Variants in DYTN observed in about 807,000 individuals in gnomAD.
The protein encoded by DYTN is dystrotelin.
DYTN carries 75 observed loss-of-function variants against 69.6 expected under a neutral mutation model. That is an observed-to-expected ratio of 1.08 (90% confidence interval 0.89 to 1.31). DYTN has a LOEUF of 1.31. Ranked by LOEUF, DYTN falls within the 50% of genes most tolerant of loss-of-function variation. DYTN has a pLI of 0.00. For synonymous variants in DYTN, 252 were observed against 249.1 expected (o/e 1.01, Z -0.11); for missense variants, 726 against 688.4 (o/e 1.05, Z -0.61).
rs1559301856 is a variant in DYTN, at chr2:206,651,676, G to A, written c.*142C>T. 5 of 683,076 alleles carry A rather than the reference G, an allele frequency of 7.3e-6. No homozygotes were observed. The highest frequency in any genetic ancestry group is 3.9e-5 in the South Asian group (2 of 51,710). The allele number at this position is 683,076 out of a possible 1,614,324, so 42.3% of individuals were successfully genotyped here. A position where few individuals can be genotyped will look rare whatever the true frequency, so the allele number is the denominator to read the frequency against. On this transcript the variant is annotated 3_prime_UTR_variant, in exon 12 of 12. Coordinates refer to ENST00000452335, the MANE Select transcript of DYTN (RefSeq NM_001093730.1). Reference sequence around the variant, plus strand: ...CAGAACTAAGATACATAAGTAGGGAGGGAGATCAAAAAACAAAACCTGTTT... The same window carrying A: ...CAGAACTAAGATACATAAGTAGGGAAGGAGATCAAAAAACAAAACCTGTTT...
At chr2:206,697,955 A>G (rs944128377) in intron 7 of DYTN, among the ~76,000 whole-genome samples, 10 of 152,230 alleles carry the variant, frequency 6.6e-5, no homozygotes, top group Middle Eastern at 3.2e-3. Context: ...TATGTTATAC[A>G]TAATAATTTT....
chr2:206,717,229 A>T (rs1360008798), intron 1 of DYTN, among the ~76,000 whole-genome samples: 1 of 152,188 alleles, frequency 6.6e-6, no homozygotes, highest in Non-Finnish European at 1.5e-5. Flanking sequence ...TTTGACCAGG[A>T]TTCTTGTTTT....
chr2:206,715,370 G>A (rs984921615), intron 1 of DYTN, among the ~76,000 whole-genome samples: 29 of 152,070 alleles, frequency 1.9e-4, no homozygotes, highest in Non-Finnish European at 3.5e-4. Flanking sequence ...ACTTAGGGAC[G>A]GCAGCTCTCA....
intron 4 of DYTN, among the ~76,000 whole-genome samples, chr2:206,705,450 A>T (rs1317502385): frequency 6.6e-6 from 1 of 152,206 alleles, no homozygotes; most frequent in Non-Finnish European, 1.5e-5. Context: ...ACCCATTCAC[A>T]TTTCAACACC....
At chr2:206,687,281 C>G (rs1345275608) in intron 9 of DYTN, 1 of 155,264 alleles carries the variant, frequency 6.4e-6, no homozygotes, top group African/African-American at 2.4e-5. Flanking sequence ...TGAATCCTTA[C>G]AAGATACGAC....
At chr2:206,694,920 G>GATA in intron 7 of DYTN, 43 bp from the exon 8 acceptor site, 10 of 788,940 alleles carry the variant, frequency 1.3e-5, no homozygotes, top group South Asian at 3.4e-5. Context: ...ACTAGTAGAT[G>GATA]AGAAAAAAAA....
intron 6 of DYTN, 33 bp downstream of exon 6, chr2:206,700,112 C>T: frequency 6.2e-7 from 1 of 1,613,314 alleles, no homozygotes; most frequent in South Asian, 1.1e-5. Context: ...CCGTGTCTGT[C>T]CCCAACTCCA....
At chr2:206,654,034 T>A (rs1699418154) in intron 11 of DYTN, among the ~76,000 whole-genome samples, 1 of 152,234 alleles carries the variant, frequency 6.6e-6, no homozygotes, top group Non-Finnish European at 1.5e-5. Context: ...GCAAGCACAG[T>A]GCTTGGCACA....
chr2:206,714,856 C>G (rs1574606344), intron 1 of DYTN, among the ~76,000 whole-genome samples: 1 of 152,222 alleles, frequency 6.6e-6, no homozygotes, highest in Non-Finnish European at 1.5e-5. Flanking sequence ...AGGGCCTTGA[C>G]CAGTTAGTTG....
chr2:206,657,320 T>C lies in DYTN; in HGVS notation c.1634-5399A>G, dbSNP rs2105886288. Among the ~76,000 whole-genome samples the C allele has an allele frequency of 2.0e-5, 3 of 152,260 alleles. No individual in the cohort carries two copies. The South Asian group carries it at 6.2e-4, about 32-fold the overall frequency. ...TTGGTAAAGATGTGGTCTCACTATG[T>C]TGCTCAGGCATACTACCAGCTTCAA... On this transcript the variant is annotated intron_variant, in intron 11 of 11. Transcript: ENST00000452335.
chr2:206,695,360 G>T (rs934847725), intron 7 of DYTN, among the ~76,000 whole-genome samples: 2 of 152,196 alleles, frequency 1.3e-5, no homozygotes, highest in Non-Finnish European at 2.9e-5. Flanking sequence ...CCTGAGTGGT[G>T]TTGGGGAAAA....
chr2:206,669,517 C>T (rs937605685), intron 9 of DYTN, among the ~76,000 whole-genome samples: 2 of 152,066 alleles, frequency 1.3e-5, no homozygotes, highest in African/African-American at 4.8e-5. Flanking sequence ...CTTTGGTACA[C>T]TTTGTAGTGA....
At chr2:206,663,892 T>C (rs913235177) in intron 10 of DYTN, among the ~76,000 whole-genome samples, 18 of 152,158 alleles carry the variant, frequency 1.2e-4, no homozygotes, top group African/African-American at 4.3e-4. Flanking sequence ...CCTTCTAGGG[T>C]TTGTGATGTC....
intron 9 of DYTN, among the ~76,000 whole-genome samples, chr2:206,666,770 T>TGTGTGTGTGTGTG: frequency 7.1e-6 from 1 of 141,060 alleles, no homozygotes; most frequent in Non-Finnish European, 1.5e-5. Flanking sequence ...TGTGTGTGTG[T>TGTGTGTGTGTGTG]TATCTTAGTG....
intron 7 of DYTN, among the ~76,000 whole-genome samples, chr2:206,695,578 G>C (rs1174991892): frequency 6.6e-6 from 1 of 152,180 alleles, no homozygotes; most frequent in African/African-American, 2.4e-5. Context: ...AGACACTCTG[G>C]TTAGGAGGGG....
chr2:206,652,556 ATATAT>A (rs1699399875), intron 11 of DYTN, among the ~76,000 whole-genome samples: 1 of 152,242 alleles, frequency 6.6e-6, no homozygotes, highest in Admixed American at 6.5e-5. Context: ...GCATAAAGAT[ATATAT>A]TATAAGGATA....
chr2:206,693,097 A>C (rs1265386140), intron 9 of DYTN, 78 bp downstream of exon 9: 1 of 1,485,470 alleles, frequency 6.7e-7, no homozygotes, highest in East Asian at 2.5e-5. Flanking sequence ...CATTAGAAAG[A>C]TTGCTGGCCG....
rs372172070 is a variant in DYTN, at chr2:206,673,117, G to A, written c.981-7088C>T. On this transcript the variant is annotated intron_variant, in intron 9 of 11. Coordinates refer to ENST00000452335, the MANE Select transcript of DYTN (RefSeq NM_001093730.1). The stretch of plus-strand genomic sequence containing the variant: ...CCTCCAGTAGGCCCCAGTGTGTGTT[G>A]TTTCCCTCTATGCAACCATGTGTTC... Among the ~76,000 whole-genome samples, 12 of 152,160 alleles carry A rather than the reference G, an allele frequency of 7.9e-5. No individual in the cohort carries two copies. In the East Asian group the frequency reaches 1.4e-3, roughly 17 times the overall value.
intron 2 of DYTN, among the ~76,000 whole-genome samples, chr2:206,708,561 A>C (rs1700049041): frequency 6.6e-6 from 1 of 152,224 alleles, no homozygotes; most frequent in Non-Finnish European, 1.5e-5. Context: ...TGAAGGCTGT[A>C]AACTCTTTTA....
Sources: allele counts gnomAD v4.1 joint callset (sites outside exome capture counted in the v4.1 genomes callset), GRCh38; gene constraint gnomAD v4.1.1; transcripts MANE v1.5; gene names NCBI Gene and HGNC (gene_info 2026-07-23, HGNC 2026-07-21).